Variants in SIK3 observed in about 807,000 individuals in gnomAD.
SIK3 encodes SIK family kinase 3, also known as serine/threonine-protein kinase SIK3.
SIK3 carries 28 observed loss-of-function variants against 144.2 expected under a neutral mutation model. The ratio of observed to expected loss-of-function variants is 0.19; its 90% CI spans 0.14 to 0.27. The LOEUF (loss-of-function observed/expected upper bound fraction) is 0.27. SIK3 is among the 10% of genes least tolerant of loss of function. The pLI, the probability that SIK3 is intolerant of heterozygous loss-of-function variation, is 1.00. For missense variants in SIK3, 1,319 were observed against 1,776.0 expected (o/e 0.74, Z 4.62); for synonymous variants, 686 against 676.3 (o/e 1.01, Z -0.22).
intron 3 of SIK3, among the ~76,000 whole-genome samples, chr11:116,953,743 C>T (rs1358419294): frequency 6.6e-6 from 1 of 152,214 alleles, no homozygotes; most frequent in African/African-American, 2.4e-5. Context: ...TTAAAACCTG[C>T]AAACAGGAAA....
At chr11:116,882,735 C>A (rs1033132027) in intron 6 of SIK3, among the ~76,000 whole-genome samples, 1 of 152,128 alleles carries the variant, frequency 6.6e-6, no homozygotes, top group Non-Finnish European at 1.5e-5. Context: ...TTGGTCCAGT[C>A]AATGGTAGGT....
At chr11:117,074,781 G>A (rs1954433880) in intron 1 of SIK3, among the ~76,000 whole-genome samples, 1 of 151,986 alleles carries the variant, frequency 6.6e-6, no homozygotes, top group Non-Finnish European at 1.5e-5. Context: ...AAAAAAATTA[G>A]CCAGGTGTGG....
chr11:116,934,746 C>G (rs1036831808), intron 3 of SIK3, among the ~76,000 whole-genome samples: 1 of 151,654 alleles, frequency 6.6e-6, no homozygotes, highest in Non-Finnish European at 1.5e-5. Context: ...CCAGCCTGAA[C>G]AGCAAAGCAA....
At chr11:116,878,492 G>A (rs1026745848) in intron 6 of SIK3, among the ~76,000 whole-genome samples, 2 of 151,576 alleles carry the variant, frequency 1.3e-5, no homozygotes, top group South Asian at 4.1e-4. Flanking sequence ...TGATTCTCCT[G>A]CCTCAGCTTC....
intron 1 of SIK3, among the ~76,000 whole-genome samples, chr11:116,967,935 A>G (rs1949620660): frequency 6.6e-6 from 1 of 152,158 alleles, no homozygotes; most frequent in South Asian, 2.1e-4. Flanking sequence ...TTCCTTCAAA[A>G]TGGAATGTTT....
At chr11:116,856,581 A>G (rs1362135344) in intron 21 of SIK3, among the ~76,000 whole-genome samples, 1 of 152,150 alleles carries the variant, frequency 6.6e-6, no homozygotes. Flanking sequence ...CCACCCTCCT[A>G]TGTCTACTAA....
intron 1 of SIK3, among the ~76,000 whole-genome samples, chr11:117,048,819 C>A (rs1287902521): frequency 6.6e-6 from 1 of 152,056 alleles, no homozygotes; most frequent in Non-Finnish European, 1.5e-5. Flanking sequence ...TACTTCATGA[C>A]TAGCCAGGCA....
intron 1 of SIK3, among the ~76,000 whole-genome samples, chr11:117,084,039 A>C (rs1954901083): frequency 6.6e-6 from 1 of 152,224 alleles, no homozygotes; most frequent in Admixed American, 6.5e-5. Flanking sequence ...CTATAAAATA[A>C]CTTGTCCTCA....
intron 6 of SIK3, among the ~76,000 whole-genome samples, chr11:116,882,942 A>T (rs1944619420): frequency 6.6e-6 from 1 of 152,254 alleles, no homozygotes; most frequent in African/African-American, 2.4e-5. Flanking sequence ...AATCTCTGAA[A>T]CATGTTTCTA....
intron 4 of SIK3, among the ~76,000 whole-genome samples, chr11:116,907,940 G>A (rs925610654): frequency 4.6e-5 from 7 of 150,878 alleles, no homozygotes; most frequent in African/African-American, 1.5e-4. Context: ...TTAATTCCAG[G>A]TGGATTATAG....
At chr11:117,084,675 T>G (rs1954930997) in intron 1 of SIK3, among the ~76,000 whole-genome samples, 2 of 152,202 alleles carry the variant, frequency 1.3e-5, no homozygotes, top group African/African-American at 2.4e-5. Context: ...TTAAATAGAA[T>G]GTAAACTGAT....
chr11:116,857,660 T>A, intron 21 of SIK3, 150 bp downstream of exon 21: 1 of 1,367,398 alleles, frequency 7.3e-7, no homozygotes, highest in Non-Finnish European at 9.6e-7. Flanking sequence ...CAATACCCAC[T>A]TCCTACATGC....
At chr11:117,076,173 C>A (rs1954528743) in intron 1 of SIK3, among the ~76,000 whole-genome samples, 1 of 151,966 alleles carries the variant, frequency 6.6e-6, no homozygotes, top group Non-Finnish European at 1.5e-5. Flanking sequence ...GTAAAACTTA[C>A]CGTTGCAGGG....
Position 117,098,182 on chromosome 11 carries a change from C to G in SIK3, c.234G>C (p.Ala78=), listed in dbSNP as rs752401131. ...CGAGGTGCGTGGCCCGCTTGACCAC[C>G]GCGAAGTTGCCCTTGCCGATGGTGC... The part of the protein sequence containing the change: ...IDRTIGKGNF[A]VVKRATHLVT... Residue 78 remains alanine (A), a synonymous_variant, in exon 1 of 25, where the codon GCG becomes GCC. Transcript: ENST00000445177. The G allele has an allele frequency of 3.9e-6, 6 of 1,521,248 alleles. No homozygotes were observed. The South Asian group carries it at 5.8e-5, about 15-fold the overall frequency. The allele number at this position is 1,521,248 out of a possible 1,614,324, so 94.2% of individuals were successfully genotyped here.
intron 1 of SIK3, among the ~76,000 whole-genome samples, chr11:116,995,266 CAAAAA>C (rs1215261265): frequency 2.1e-5 from 2 of 96,646 alleles, no homozygotes; most frequent in Non-Finnish European, 2.2e-5. Flanking sequence ...GACTCCGTCT[CAAAAA>C]AAAAAAAAAA....
At chr11:117,050,462 G>A (rs1953187386) in intron 1 of SIK3, among the ~76,000 whole-genome samples, 1 of 152,200 alleles carries the variant, frequency 6.6e-6, no homozygotes, top group Non-Finnish European at 1.5e-5. Context: ...GAGGCGGGCA[G>A]ATCACTTGAG....
chr11:117,057,952 T>C lies in SIK3; in HGVS notation c.273+40191A>G, dbSNP rs369982913. Among the ~76,000 whole-genome samples the C allele has an allele frequency of 9.2e-4, 140 of 152,334 alleles. No homozygotes were observed. In the Middle Eastern group the frequency reaches 0.014, roughly 15 times the overall value. ...CTATTATTGTTGTTACCATCATTACTATTAATAATTTCAGAGGGAATCTAA... is the reference window on the plus strand; with the variant it reads ...CTATTATTGTTGTTACCATCATTACCATTAATAATTTCAGAGGGAATCTAA... On this transcript the variant is annotated intron_variant, in intron 1 of 24. Transcript: ENST00000445177.
chr11:117,002,339 A>G (rs1210222517), intron 1 of SIK3, among the ~76,000 whole-genome samples: 2 of 151,662 alleles, frequency 1.3e-5, no homozygotes. Context: ...GTGTTAGTGT[A>G]TTTTTATATG....
intron 1 of SIK3, among the ~76,000 whole-genome samples, chr11:116,989,580 GC>G (rs1745235303): frequency 6.6e-6 from 1 of 150,792 alleles, no homozygotes; most frequent in Non-Finnish European, 1.5e-5. Flanking sequence ...GAAACTAAAG[GC>G]AACCCAAGTT....
Sources: allele counts gnomAD v4.1 joint callset (sites outside exome capture counted in the v4.1 genomes callset), GRCh38; gene constraint gnomAD v4.1.1; transcripts MANE v1.5; gene names NCBI Gene and HGNC (gene_info 2026-07-23, HGNC 2026-07-21).